The following ANKS1A variants were observed in gnomAD, a reference collection of about 807,000 sequenced individuals.
The protein encoded by ANKS1A is ankyrin repeat and sterile alpha motif domain containing 1A, also known as ankyrin repeat and SAM domain-containing protein 1A.
In ANKS1A, 55 loss-of-function variants were observed where a neutral mutation model predicts 120.3. The ratio of observed to expected loss-of-function variants is 0.46; its 90% CI spans 0.37 to 0.57. The LOEUF is 0.57. Ranked by LOEUF, ANKS1A falls within the 20% of genes least tolerant of loss-of-function variation. The probability of loss-of-function intolerance (pLI) is 0.00; values close to 1 mark genes in which losing one functional copy is unlikely to be tolerated. For synonymous variants in ANKS1A, 590 were observed against 604.7 expected (o/e 0.98, Z 0.36); for missense variants, 1,123 against 1,480.3 (o/e 0.76, Z 3.96).
chr6:35,085,672 T>C lies in ANKS1A; in HGVS notation c.3133-94T>C, dbSNP rs1777923550. The C allele has an allele frequency of 1.0e-5, 14 of 1,349,690 alleles. 2 individuals carry two copies. The South Asian group carries it at 2.1e-4, about 21-fold the overall frequency. The allele number at this position is 1,349,690 out of a possible 1,614,324, so 83.6% of individuals were successfully genotyped here. ...AGGTAGGAGCGCTCCCGGGTAGACT[T>C]AGAGGGGGACACATGGTCCCTGCGA... On this transcript the variant is annotated intron_variant, in intron 21 of 23. Coordinates refer to ENST00000360359, the MANE Select transcript of ANKS1A (RefSeq NM_015245.3). This position sits in a 1 kb window ranked among gnomAD's most constrained non-coding sequence, Gnocchi z 4.7.
chr6:35,081,084 G>T lies in ANKS1A; in HGVS notation c.2635G>T (p.Asp879Tyr), dbSNP rs772726171. 6.2e-7 allele frequency: 1 copy of T among 1,613,870 alleles called. No homozygotes were observed. ...GGCAGATCTGCTGCTGCCTCCAGGGGACACAGGCAGGAGGCGCCATGACAG... is the reference window on the plus strand; with the variant it reads ...GGCAGATCTGCTGCTGCCTCCAGGGTACACAGGCAGGAGGCGCCATGACAG... ...RSADLLLPPG[D>Y]TGRRRHDSLH... is the part of the protein sequence containing the mutation. Residue 879 changes from aspartate to tyrosine, a missense_variant, in exon 17 of 24, where the codon GAC becomes TAC. Physicochemically the swap from Asp to Tyr is radical, Grantham distance 160. Around this residue, in one of 3 missense-constraint regions of ANKS1A, gnomAD observed 904 missense variants for 1,130.4 expected, o/e 0.80. Transcript: ENST00000360359.
At chr6:35,018,088 T>TGGGCTGGCC (rs769717563) in intron 11 of ANKS1A, 29 bp downstream of exon 11, 1 of 1,599,044 alleles carries the variant, frequency 6.3e-7, no homozygotes, top group South Asian at 1.1e-5. Context: ...CACAGGGAGC[T>TGGGCTGGCC]GGGCTGGCCA....
intron 1 of ANKS1A, among the ~76,000 whole-genome samples, chr6:34,902,309 C>G (rs1010020792): frequency 2.0e-5 from 3 of 151,826 alleles, no homozygotes; most frequent in Admixed American, 2.0e-4. Flanking sequence ...GAGTGCAATG[C>G]GTGATCTCGG....
Position 35,044,127 on chromosome 6 carries a change from C to G in ANKS1A, c.2011-9972C>G, listed in dbSNP as rs1257369395. ...GTTTTGGAAATGACCCCAGCTGACT[C>G]TTGGTAAGGGTAACACTGAGTGTGT... On this transcript the variant is annotated intron_variant, in intron 11 of 23. Transcript: ENST00000360359. The surrounding 1 kb of genome is among the most constrained non-coding windows in gnomAD (Gnocchi z 4.4). Among the ~76,000 whole-genome samples the G allele has an allele frequency of 6.6e-6, 1 of 152,166 alleles. No homozygotes were observed. The highest frequency in any genetic ancestry group is 1.5e-5 in the Non-Finnish European group (1 of 68,042).
rs77117626 is a variant in ANKS1A at position 34,944,460 on chromosome 6, T to C, written c.198-22779T>C. Among the ~76,000 whole-genome samples the C allele has an allele frequency of 5.9e-5, 9 of 152,326 alleles. No homozygotes were observed. In the East Asian group the frequency reaches 1.7e-3, roughly 29 times the overall value. ...CCCTAAGTGACATTTGAATTCGATA[T>C]TGAGTGAGTGTCTTTTCATATGCTT... On this transcript the variant is annotated intron_variant, in intron 1 of 23. Transcript: ENST00000360359.
chr6:35,088,983 CAG>C lies in ANKS1A; in HGVS notation c.*375_*376del. Reference sequence around the variant, plus strand: ...AGACAAATGGCCATGGGGCAGAGGACAGGGGAGCTGAGGTTGGTTCAGAGGCC... The same window carrying C: ...AGACAAATGGCCATGGGGCAGAGGACGGGAGCTGAGGTTGGTTCAGAGGCC... On this transcript the variant is annotated 3_prime_UTR_variant, in exon 24 of 24. Coordinates refer to ENST00000360359, the MANE Select transcript of ANKS1A (RefSeq NM_015245.3). 8 of 1,199,386 alleles carry C rather than the reference CAG, an allele frequency of 6.7e-6. No individual in the cohort carries two copies. The highest frequency in any genetic ancestry group is 8.4e-6 in the Non-Finnish European group (8 of 954,322). 74.3% of individuals were successfully genotyped at this position (1,199,386 alleles called of 1,614,324 possible). A position where few individuals can be genotyped will look rare whatever the true frequency, so the allele number is the denominator to read the frequency against.
At chr6:35,015,244 T>TC (rs1372065525) in intron 10 of ANKS1A, among the ~76,000 whole-genome samples, 1 of 152,156 alleles carries the variant, frequency 6.6e-6, no homozygotes, top group Non-Finnish European at 1.5e-5. Context: ...ACGCCTATAA[T>TC]CCAGCACTTT....
intron 1 of ANKS1A, among the ~76,000 whole-genome samples, chr6:34,938,851 G>A (rs969018630): frequency 6.6e-6 from 1 of 152,200 alleles, no homozygotes; most frequent in Admixed American, 6.5e-5. Flanking sequence ...TGCCGGGCGT[G>A]GTGGCGCACG....
At chr6:35,037,719 G>T (rs1041589833) in intron 11 of ANKS1A, among the ~76,000 whole-genome samples, 1 of 152,178 alleles carries the variant, frequency 6.6e-6, no homozygotes, top group Admixed American at 6.5e-5. Flanking sequence ...GGCTCTGGCA[G>T]CCTAAGAGAA....
Position 35,057,320 on chromosome 6 carries a change from C to A in ANKS1A, c.2078-2827C>A, listed in dbSNP as rs921705486. Reference sequence around the variant, plus strand: ...TATGCCTTCCCACTGGCCCAGGCCACTCTGGCTCTGTCAACAAAGGCCTTC... The same window carrying A: ...TATGCCTTCCCACTGGCCCAGGCCAATCTGGCTCTGTCAACAAAGGCCTTC... On this transcript the variant is annotated intron_variant, in intron 12 of 23. Coordinates refer to ENST00000360359, the MANE Select transcript of ANKS1A (RefSeq NM_015245.3). This position sits in a 1 kb window ranked among gnomAD's most constrained non-coding sequence, Gnocchi z 4.1. Among the ~76,000 whole-genome samples, 2 of 152,160 alleles carry A rather than the reference C, an allele frequency of 1.3e-5. No homozygotes were observed. The highest frequency in any genetic ancestry group is 2.9e-5 in the Non-Finnish European group (2 of 68,030).
In ANKS1A at chr6:35,086,300, T is replaced by TA; in HGVS notation, c.3303+365dup. On this transcript the variant is annotated intron_variant, in intron 22 of 23. Transcript: ENST00000360359. This position sits in a 1 kb window ranked among gnomAD's most constrained non-coding sequence, Gnocchi z 5.1. ...GCTGCCCCCCGATAGTCGCTGTTGTTACTGTCACACCTGCACCACCCACCG... is the reference window on the plus strand; with the variant it reads ...GCTGCCCCCCGATAGTCGCTGTTGTTAACTGTCACACCTGCACCACCCACCG... 1.5e-6 allele frequency: 2 copies of TA among 1,312,082 alleles called. No individual in the cohort carries two copies. The highest frequency in any genetic ancestry group is 2.0e-6 in the Non-Finnish European group (2 of 1,004,272). 81.3% of individuals were successfully genotyped at this position (1,312,082 alleles called of 1,614,324 possible).
chr6:34,933,414 AG>A (rs1419918395), intron 1 of ANKS1A, among the ~76,000 whole-genome samples: 1 of 152,204 alleles, frequency 6.6e-6, no homozygotes, highest in East Asian at 1.9e-4. Flanking sequence ...CTTGTTGCCC[AG>A]GCTGGAGTGC....
chr6:35,032,318 C>A (rs1392148105), intron 11 of ANKS1A, among the ~76,000 whole-genome samples: 2 of 152,176 alleles, frequency 1.3e-5, no homozygotes, highest in Non-Finnish European at 2.9e-5. Context: ...GAGGTCAAGT[C>A]TCTGTCTGCC....
chr6:34,912,118 T>C (rs1767935147), intron 1 of ANKS1A, among the ~76,000 whole-genome samples: 1 of 152,238 alleles, frequency 6.6e-6, no homozygotes, highest in Admixed American at 6.5e-5. Context: ...AATCAAACGC[T>C]CATAATCTGA....
At chr6:35,046,894 T>A (rs141891290) in intron 11 of ANKS1A, among the ~76,000 whole-genome samples, 22 of 152,314 alleles carry the variant, frequency 1.4e-4, no homozygotes, top group Admixed American at 7.2e-4. Context: ...CCCAGAAAGT[T>A]CCCTAGTGCC....
At chr6:34,991,751 CACACATATATATATACACAT>C (rs1561897139) in intron 9 of ANKS1A, among the ~76,000 whole-genome samples, 4 of 28,044 alleles carry the variant, frequency 1.4e-4, no homozygotes, top group South Asian at 8.4e-4. Flanking sequence ...TACATATATA[CACACATATATATATACACAT>C]ATATATACAC....
chr6:34,945,809 T>C (rs1769760525), intron 1 of ANKS1A, among the ~76,000 whole-genome samples: 1 of 152,170 alleles, frequency 6.6e-6, no homozygotes, highest in Non-Finnish European at 1.5e-5. Flanking sequence ...CTTTCAATGA[T>C]TGGTTCATTT....
At chr6:34,941,179 G>C (rs1447963196) in intron 1 of ANKS1A, among the ~76,000 whole-genome samples, 1 of 152,052 alleles carries the variant, frequency 6.6e-6, no homozygotes, top group African/African-American at 2.4e-5. Flanking sequence ...GTAGAGACAG[G>C]GTTTCACCAT....
chr6:35,057,558 C>T lies in ANKS1A; in HGVS notation c.2078-2589C>T, dbSNP rs1427027930. ...TATTTAGAAGCCCTGGACTTCTGTC[C>T]CTGTACCTGTTTTATCTTTTTGGCC... is the stretch of plus-strand genomic sequence containing the variant. On this transcript the variant is annotated intron_variant, in intron 12 of 23. Transcript: ENST00000360359. The surrounding 1 kb of genome is among the most constrained non-coding windows in gnomAD (Gnocchi z 4.1). Among the ~76,000 whole-genome samples, 2 of 152,116 alleles carry T rather than the reference C, an allele frequency of 1.3e-5. No homozygotes were observed. Among genetic ancestry groups the T allele is most frequent in the Non-Finnish European group, 2.9e-5 (2 of 68,022 alleles).
Sources: gnomAD v4.1 joint callset for allele counts (sites outside exome capture counted in the v4.1 genomes callset) on GRCh38, gnomAD v4.1.1 for gene constraint, gnomAD v4.1.1 regional missense constraint, Gnocchi (gnomAD v3.1) non-coding constraint, MANE v1.5 for transcripts, NCBI Gene and HGNC (gene_info 2026-07-23, HGNC 2026-07-21) for gene names.